The following ANKRD46 variants were observed in gnomAD, a reference collection of about 807,000 sequenced individuals.
The protein encoded by ANKRD46 is ankyrin repeat domain 46, also known as ankyrin repeat domain-containing protein 46.
In ANKRD46, 13 loss-of-function variants were observed where a neutral mutation model predicts 19.8. That is an observed-to-expected ratio of 0.66 (90% CI 0.43 to 1.04). The LOEUF (loss-of-function observed/expected upper bound fraction) is 1.04. ANKRD46 is among the 50% of genes least tolerant of loss of function. The probability of loss-of-function intolerance (pLI) is 0.00; values close to 1 mark genes in which losing one functional copy is unlikely to be tolerated. For synonymous variants in ANKRD46, 91 were observed against 106.9 expected (o/e 0.85, Z 0.92); for missense variants, 185 against 274.8 (o/e 0.67, Z 2.31).
In ANKRD46 at chr8:100,511,514, T is replaced by C. The variant is rs74307078; in HGVS notation, c.637-875A>G. ...CATCTCATCCTTTCACATCTATTCT[T>C]GTAACTCAGAAGCACTGTGTTTCTC... is the stretch of plus-strand genomic sequence containing the variant. On this transcript the variant is annotated intron_variant, in intron 5 of 5. Transcript: ENST00000520552. This position sits in a 1 kb window ranked among gnomAD's most constrained non-coding sequence, Gnocchi z 4.1. 2.3e-3 allele frequency among the ~76,000 whole-genome samples: 351 copies of C among 152,288 alleles called. 4 individuals are homozygous for C. The East Asian group carries it at 0.034, about 15-fold the overall frequency.
In ANKRD46 at chr8:100,510,070, G is replaced by C. The variant is rs1160757933; in HGVS notation, c.*507C>G. 2 of 152,802 alleles carry C rather than the reference G, an allele frequency of 1.3e-5. No individual in the cohort carries two copies. Among genetic ancestry groups the C allele is most frequent in the African/African-American group, 2.4e-5 (1 of 41,472 alleles). 9.5% of individuals were successfully genotyped at this position (152,802 alleles called of 1,614,324 possible). A position where few individuals can be genotyped will look rare whatever the true frequency, so the allele number is the denominator to read the frequency against. ...TTCCACCCAAATCCATTGTCTGAGT[G>C]TGAAAGTGCTTTCCTCAGCTGCAAA... is the stretch of plus-strand genomic sequence containing the variant. On this transcript the variant is annotated 3_prime_UTR_variant, in exon 6 of 6. Transcript: ENST00000520552. This position sits in a 1 kb window ranked among gnomAD's most constrained non-coding sequence, Gnocchi z 4.9.
chr8:100,526,518 A>G (rs1811845978), intron 4 of ANKRD46, among the ~76,000 whole-genome samples: 1 of 152,222 alleles, frequency 6.6e-6, no homozygotes, highest in Non-Finnish European at 1.5e-5. Context: ...AGTACAGAGG[A>G]GAGAAAAACA....
chr8:100,516,079 T>C (rs1811626527), downstream of ANKRD46, among the ~76,000 whole-genome samples: 1 of 152,128 alleles, frequency 6.6e-6, no homozygotes, highest in South Asian at 2.1e-4. Flanking sequence ...TCCACATTGG[T>C]CAGGCTGGTC....
intron 2 of ANKRD46, among the ~76,000 whole-genome samples, chr8:100,530,590 G>C (rs555099441): frequency 6.6e-6 from 1 of 152,176 alleles, no homozygotes; most frequent in East Asian, 1.9e-4. Flanking sequence ...TCACCATGTT[G>C]GCCAGGCTGG....
intron 5 of ANKRD46, among the ~76,000 whole-genome samples, chr8:100,515,085 G>GT (rs1198325056): frequency 8.5e-5 from 13 of 152,224 alleles, no homozygotes; most frequent in Non-Finnish European, 1.5e-4. Flanking sequence ...GGCAGTAAAT[G>GT]TTTTTTTGTT....
chr8:100,514,403 A>T (rs1811594977), intron 5 of ANKRD46, among the ~76,000 whole-genome samples: 1 of 152,156 alleles, frequency 6.6e-6, no homozygotes, highest in Non-Finnish European at 1.5e-5. Context: ...ACTATTGTGC[A>T]TTTTAAGCTG....
intron 3 of ANKRD46, 91 bp from the exon 4 acceptor site, chr8:100,528,094 C>T (rs2130654455): frequency 1.5e-6 from 2 of 1,311,554 alleles, no homozygotes; most frequent in East Asian, 5.3e-5. Flanking sequence ...TTAGTACCCA[C>T]TTATATAGAT....
chr8:100,549,677 G>A (rs1374733587), intron 1 of ANKRD46, among the ~76,000 whole-genome samples: 1 of 152,076 alleles, frequency 6.6e-6, no homozygotes, highest in Non-Finnish European at 1.5e-5. Context: ...TATAACTGAT[G>A]ATCCTACACT....
Position 100,550,815 on chromosome 8 carries a change from A to G in ANKRD46, c.-131+8896T>C. 1 of 456,896 alleles carries G rather than the reference A, an allele frequency of 2.2e-6. No individual in the cohort carries two copies. The highest frequency in any genetic ancestry group is 2.6e-5 in the Admixed American group (1 of 39,138). 28.3% of individuals were successfully genotyped at this position (456,896 alleles called of 1,614,324 possible). A position where few individuals can be genotyped will look rare whatever the true frequency, so the allele number is the denominator to read the frequency against. On this transcript the variant is annotated intron_variant, in intron 1 of 4. Transcript: ENST00000335659. The surrounding 1 kb of genome is among the most constrained non-coding windows in gnomAD (Gnocchi z 4.4). ...AATGAGCTTGACAAAGTGGTCACTG[A>G]GGGCAATGGCAGCCCCAGCATCGAA...
At chr8:100,518,447 CA>C (rs1811668434), downstream of ANKRD46, among the ~76,000 whole-genome samples, 1 of 152,076 alleles carries the variant, frequency 6.6e-6, no homozygotes, top group Non-Finnish European at 1.5e-5. Context: ...CTGTCAATAA[CA>C]AGATTTTTGA....
In ANKRD46 at chr8:100,550,755, C is replaced by T; in HGVS notation, c.-131+8956G>A. On this transcript the variant is annotated intron_variant, in intron 1 of 4. Coordinates refer to ENST00000335659, the MANE Select transcript of ANKRD46 (RefSeq NM_001270377.2). The surrounding 1 kb of genome is among the most constrained non-coding windows in gnomAD (Gnocchi z 4.4). ...CTTGGAGGCCATATGGGCCACCACC[C>T]TGTTGCTGTAGCCAAATTCACTGTT... 4.5e-6 allele frequency: 2 copies of T among 444,106 alleles called. No individual in the cohort carries two copies. Among genetic ancestry groups the T allele is most frequent in the South Asian group, 3.5e-5 (2 of 56,792 alleles). The allele number at this position is 444,106 out of a possible 1,614,324, so 27.5% of individuals were successfully genotyped here.
At chr8:100,547,288 G>A (rs980534767) in intron 1 of ANKRD46, among the ~76,000 whole-genome samples, 2 of 152,060 alleles carry the variant, frequency 1.3e-5, no homozygotes, top group African/African-American at 2.4e-5. Context: ...TCATGGGGGC[G>A]GTTTTCCCCA....
Position 100,510,488 on chromosome 8 carries a change from A to C in ANKRD46, c.*89T>G. On this transcript the variant is annotated 3_prime_UTR_variant, in exon 6 of 6. Coordinates refer to the ANKRD46 transcript ENST00000520552. This position sits in a 1 kb window ranked among gnomAD's most constrained non-coding sequence, Gnocchi z 4.9. ...TGCTCCATGACACAAGTCGTGACGG[A>C]AACAGCCCCACCCAACAGGGACGCT... The C allele has an allele frequency of 7.7e-7, 1 of 1,305,642 alleles. No homozygotes were observed. The allele number at this position is 1,305,642 out of a possible 1,614,324, so 80.9% of individuals were successfully genotyped here. A position where few individuals can be genotyped will look rare whatever the true frequency, so the allele number is the denominator to read the frequency against.
Position 100,522,404 on chromosome 8 carries a change from T to C in ANKRD46, c.*151A>G. Reference sequence around the variant, plus strand: ...TATGTAGTTAGTTCAAATGAACACATCATTATCTAAAAGGATTACAATAAT... The same window carrying C: ...TATGTAGTTAGTTCAAATGAACACACCATTATCTAAAAGGATTACAATAAT... On this transcript the variant is annotated 3_prime_UTR_variant, in exon 5 of 5. Transcript: ENST00000335659. 6.9e-7 allele frequency: 1 copy of C among 1,440,412 alleles called. No individual in the cohort carries two copies. Among genetic ancestry groups the C allele is most frequent in the Non-Finnish European group, 9.1e-7 (1 of 1,103,252 alleles). The allele number at this position is 1,440,412 out of a possible 1,614,324, so 89.2% of individuals were successfully genotyped here. A position where few individuals can be genotyped will look rare whatever the true frequency, so the allele number is the denominator to read the frequency against.
At chr8:100,535,650 C>T (rs1812051160) in intron 1 of ANKRD46, among the ~76,000 whole-genome samples, 2 of 152,202 alleles carry the variant, frequency 1.3e-5, no homozygotes, top group African/African-American at 4.8e-5. Flanking sequence ...TGGAGCCATA[C>T]AGCACATACA....
rs199719979 is a variant in ANKRD46, at chr8:100,522,584, C to A, written c.658G>T (p.Val220Leu). The A allele has an allele frequency of 1.9e-6, 3 of 1,614,056 alleles. No individual in the cohort carries two copies. The highest frequency in any genetic ancestry group is 2.5e-6 in the Non-Finnish European group (3 of 1,180,000). Residue 220 changes from valine (V) to leucine (L), a missense_variant, in exon 5 of 5, where the codon GTG becomes TTG. Transcript: ENST00000335659. The part of the protein sequence containing the change: ...AYYVSGVLPF[V>L]ENQPELVH Reference sequence around the variant, plus strand: ...TGCACCAGTTCAGGCTGGTTTTCCACGAAGGGTAGCACCCCACTCACATAA... The same window carrying A: ...TGCACCAGTTCAGGCTGGTTTTCCAAGAAGGGTAGCACCCCACTCACATAA...
At chr8:100,513,860 A>G (rs1451436624) in intron 5 of ANKRD46, among the ~76,000 whole-genome samples, 2 of 152,238 alleles carry the variant, frequency 1.3e-5, no homozygotes, top group Non-Finnish European at 2.9e-5. Flanking sequence ...TGTACTAACT[A>G]GGACTATCCA....
rs151292932 is a variant in ANKRD46 at position 100,557,503 on chromosome 8, CA to C, written c.-131+2207del. 0.05 allele frequency among the ~76,000 whole-genome samples: 7,661 copies of C among 152,306 alleles called. 300 individuals are homozygous for C. Among genetic ancestry groups the C allele is most frequent in the Non-Finnish European group, 0.074 (5,061 of 68,018 alleles). On this transcript the variant is annotated intron_variant, in intron 1 of 4. Coordinates refer to ENST00000335659, the MANE Select transcript of ANKRD46 (RefSeq NM_001270377.2). The surrounding 1 kb of genome is among the most constrained non-coding windows in gnomAD (Gnocchi z 5.9). ...CTTCCATCCTTGCCCTTACAGTCAA[CA>C]CTGAACACAGCAGCCAGAGTGATCC...
At chr8:100,531,923 A>G (rs1342234808) in intron 2 of ANKRD46, among the ~76,000 whole-genome samples, 2 of 152,200 alleles carry the variant, frequency 1.3e-5, no homozygotes, top group African/African-American at 4.8e-5. Context: ...AGGGAGATCA[A>G]TCATTAGGTC....
Sources: allele counts gnomAD v4.1 joint callset (sites outside exome capture counted in the v4.1 genomes callset), GRCh38; gene constraint gnomAD v4.1.1; non-coding constraint Gnocchi (gnomAD v3.1); transcripts MANE v1.5; gene names NCBI Gene and HGNC (gene_info 2026-07-23, HGNC 2026-07-21).